SYN1: variants seen among roughly 807,000 people sequenced by gnomAD.
The protein encoded by SYN1 is synapsin I, also known as synapsin-1.
In SYN1, 8 loss-of-function variants were observed where a neutral mutation model predicts 44.6. The ratio of observed to expected loss-of-function variants is 0.18; its 90% CI spans 0.11 to 0.32. The LOEUF (loss-of-function observed/expected upper bound fraction) is 0.32, where lower values mean the gene tolerates loss of function less well. Among genes scored for constraint, SYN1 ranks in the 10% least tolerant of loss-of-function variants. The pLI is 1.00. For synonymous variants in SYN1, 275 were observed against 280.1 expected (o/e 0.98, Z 0.18); for missense variants, 451 against 639.4 (o/e 0.71, Z 3.18).
intron 10 of SYN1, 85 bp from the exon 11 acceptor site, chrX:47,574,860 G>A: frequency 1.0e-6 from 1 of 961,920 alleles, no homozygotes; most frequent in Non-Finnish European, 1.5e-6. Flanking sequence ...GGTTCCCTGT[G>A]CGCTGGGTGT....
chrX:47,581,670 G>T (rs192658571), intron 5 of SYN1, among the ~76,000 whole-genome samples: 1 of 112,169 alleles, frequency 8.9e-6, no homozygotes, highest in East Asian at 2.8e-4. Flanking sequence ...TTCCTCATCC[G>T]TAAAACGGGA....
At chrX:47,583,671 C>T (rs2057809710) in intron 5 of SYN1, 2 of 721,130 alleles carry the variant, frequency 2.8e-6, no homozygotes, top group Non-Finnish European at 3.8e-6. Context: ...ACACTGGCAT[C>T]CTCACACTTC....
intron 5 of SYN1, among the ~76,000 whole-genome samples, chrX:47,604,522 A>G (rs2057890414): frequency 8.9e-6 from 1 of 111,818 alleles, no homozygotes; most frequent in South Asian, 3.7e-4. Flanking sequence ...AAGTGCTGGG[A>G]TTACAGGCAT....
chrX:47,572,759 C>T lies in SYN1; in HGVS notation c.*105G>A. ...GAATGAGAGGTGGAATCTTGGAGAA[C>T]CGGGAGATGGGTTCTCAAGGGATTT... On this transcript the variant is annotated 3_prime_UTR_variant, in exon 13 of 13. Transcript: ENST00000295987. The T allele has an allele frequency of 8.9e-7, 1 of 1,123,329 alleles. No homozygotes were observed. Among genetic ancestry groups the T allele is most frequent in the Non-Finnish European group, 1.2e-6 (1 of 821,629 alleles). 92.6% of individuals were successfully genotyped at this position (1,123,329 alleles called of 1,213,427 possible).
At position 47,572,932 on chromosome X, in the gene SYN1, G is replaced by C; in HGVS notation, c.2050C>G (p.Gln684Glu). 1 of 1,211,876 alleles carries C rather than the reference G, an allele frequency of 8.3e-7. No individual in the cohort carries two copies. The change falls in exon 13 of 13, where the codon CAG becomes GAG. Residue 684 changes from glutamine to glutamate, a missense_variant. Physicochemically the swap from Gln to Glu is conservative, Grantham distance 29. Coordinates refer to ENST00000295987, the MANE Select transcript of SYN1 (RefSeq NM_006950.3). ...ATGGTCTCAGCTTTCACCTCGTCCT[G>C]GCTAAGGCTGGGCCTGGGCGGGGCT... ...EPAPPRPSLS[Q>E]DEVKAETIRS...
intron 11 of SYN1, 23 bp downstream of exon 11, chrX:47,574,665 G>A: frequency 1.1e-5 from 13 of 1,163,229 alleles, no homozygotes; most frequent in Non-Finnish European, 1.5e-5. Context: ...GGAGGGGACT[G>A]CGACCGCCAG....
rs1223127925 is a variant in SYN1 at position 47,597,918 on chromosome X, A to T, written c.774+7060T>A. Among the ~76,000 whole-genome samples the T allele has an allele frequency of 9.8e-5, 11 of 112,456 alleles. No homozygotes were observed. The Admixed American group carries it at 1.0e-3, about 11-fold the overall frequency. Reference sequence around the variant, plus strand: ...GAAAGAAAAAGACTGCCAAACAAGAATTCTACATCCAGCAAAATTATCTTT... The same window carrying T: ...GAAAGAAAAAGACTGCCAAACAAGATTTCTACATCCAGCAAAATTATCTTT... On this transcript the variant is annotated intron_variant, in intron 5 of 12. Coordinates refer to ENST00000295987, the MANE Select transcript of SYN1 (RefSeq NM_006950.3).
intron 1 of SYN1, among the ~76,000 whole-genome samples, chrX:47,618,355 A>T (rs1268254568): frequency 8.0e-5 from 9 of 112,166 alleles, no homozygotes. Context: ...CTTTTAGAGA[A>T]GGCTCACACT....
At position 47,606,947 on chromosome X, in the gene SYN1, C is replaced by G; in HGVS notation, c.525G>C (p.Val175=). 8.3e-7 allele frequency: 1 copy of G among 1,208,869 alleles called. No individual in the cohort carries two copies. The highest frequency in any genetic ancestry group is 1.1e-6 in the Non-Finnish European group (1 of 893,888). The change falls in exon 3 of 13, where the codon GTG becomes GTC. Residue 175 remains valine (V), a splice_region_variant and synonymous_variant. Transcript: ENST00000295987. The part of the protein sequence containing the change: ...MEVLRNGVKV[V]RSLKPDFVLI... ...CAAGGTACCCTTCTTATACTCACCGCACGACCTTCACCCCATTCCGAAGAA... is the reference window on the plus strand; with the variant it reads ...CAAGGTACCCTTCTTATACTCACCGGACGACCTTCACCCCATTCCGAAGAA...
chrX:47,605,893 AT>A (rs1010795491), intron 3 of SYN1, among the ~76,000 whole-genome samples: 2 of 106,406 alleles, frequency 1.9e-5, no homozygotes, highest in African/African-American at 3.4e-5. Flanking sequence ...CTATATATAT[AT>A]TTTTTTCTTT....
Position 47,577,433 on chromosome X carries a change from A to T in SYN1, c.837+6T>A. On this transcript the variant is annotated splice_donor_region_variant and intron_variant, in intron 6 of 12. Transcript: ENST00000295987. ...CTACCTATGCACAGCCCAGCCAGAGACTCACCTTGCCCATCCCAGAGTGTG... is the reference window on the plus strand; with the variant it reads ...CTACCTATGCACAGCCCAGCCAGAGTCTCACCTTGCCCATCCCAGAGTGTG... 2 of 1,206,482 alleles carry T rather than the reference A, an allele frequency of 1.7e-6. No individual in the cohort carries two copies. The highest frequency in any genetic ancestry group is 2.2e-6 in the Non-Finnish European group (2 of 892,791).
At chrX:47,589,468 G>C (rs930631572) in intron 5 of SYN1, among the ~76,000 whole-genome samples, 2 of 107,612 alleles carry the variant, frequency 1.9e-5, no homozygotes, top group Non-Finnish European at 3.9e-5. Context: ...CGAGTATGGT[G>C]GTGGGCGCCT....
intron 5 of SYN1, among the ~76,000 whole-genome samples, chrX:47,603,397 A>G (rs62592127): frequency 0.036 from 4,045 of 110,853 alleles, 78 homozygotes; most frequent in Middle Eastern, 0.065. Flanking sequence ...GGGTCTCGCT[A>G]TGTTGCCCAG....
chrX:47,605,098 G>A, intron 4 of SYN1, 31 bp from the exon 5 acceptor site: 1 of 1,201,639 alleles, frequency 8.3e-7, no homozygotes, highest in Non-Finnish European at 1.1e-6. Context: ...GGGTCAGTGA[G>A]TCCTTCACCA....
intron 5 of SYN1, among the ~76,000 whole-genome samples, chrX:47,597,153 G>A (rs771889839): frequency 8.2e-5 from 9 of 109,973 alleles, no homozygotes; most frequent in Admixed American, 2.9e-4. Context: ...GGCCAATACG[G>A]TGAAACCCCC....
Position 47,574,724 on chromosome X carries a change from C to G in SYN1, c.1357G>C (p.Ala453Pro), listed in dbSNP as rs1340351424. The change falls in exon 11 of 13, where the codon GCA (alanine) becomes CCA (proline). Residue 453 changes from alanine to proline, a missense_variant. Around this residue, in one of 3 missense-constraint regions of SYN1, gnomAD observed 315 missense variants for 451.4 expected, o/e 0.70. Coordinates refer to ENST00000295987, the MANE Select transcript of SYN1 (RefSeq NM_006950.3). ...PLGRQTSQQP[A>P]GPPAQQRPPP... ...GGTCGCTGCTGAGCCGGGGGCCCTG[C>G]GGGCTGCTGGGAGGTCTGGCGGCCC... The G allele has an allele frequency of 8.4e-7, 1 of 1,188,035 alleles. No individual in the cohort carries two copies.
At chrX:47,577,997 A>G (rs746570220) in intron 5 of SYN1, among the ~76,000 whole-genome samples, 1 of 110,546 alleles carries the variant, frequency 9.0e-6, no homozygotes, top group Non-Finnish European at 1.9e-5. Flanking sequence ...TCAGATGTAC[A>G]TCGCCAAACC....
In SYN1 at chrX:47,619,749, G is replaced by A. The variant is rs1009898874; in HGVS notation, c.-21C>T. 1.7e-6 allele frequency: 2 copies of A among 1,156,193 alleles called. No homozygotes were observed. The highest frequency in any genetic ancestry group is 3.6e-5 in the African/African-American group (2 of 55,382). ...TTCATGGCTGCGACTTGGGGCAGGG[G>A]GTCCTAGGGGTGGTCTGGCCAGGAG... On this transcript the variant is annotated 5_prime_UTR_variant, in exon 1 of 13. Transcript: ENST00000295987.
intron 9 of SYN1, 80 bp downstream of exon 9, chrX:47,576,051 C>T: frequency 1.0e-6 from 1 of 994,266 alleles, no homozygotes; most frequent in Non-Finnish European, 1.4e-6. Flanking sequence ...GACCTCTGTG[C>T]CATGGAGTGC....
Sources: gnomAD v4.1 joint callset for allele counts (sites outside exome capture counted in the v4.1 genomes callset) on GRCh38, gnomAD v4.1.1 for gene constraint, gnomAD v4.1.1 regional missense constraint, MANE v1.5 for transcripts, NCBI Gene and HGNC (gene_info 2026-07-23, HGNC 2026-07-21) for gene names.